LZTFL1: variants seen among roughly 807,000 people sequenced by gnomAD.
The protein encoded by LZTFL1 is leucine zipper transcription factor like 1, also known as leucine zipper transcription factor-like protein 1.
A neutral mutation model predicts 45.9 loss-of-function variants in LZTFL1; 25 were observed. The observed-to-expected ratio is 0.54, with a 90% CI of 0.40 to 0.76. The LOEUF (loss-of-function observed/expected upper bound fraction) is 0.76. Among genes scored for constraint, LZTFL1 ranks in the 30% least tolerant of loss-of-function variants. The pLI is 0.00. For missense variants in LZTFL1, 277 were observed against 331.1 expected (o/e 0.84, Z 1.27); for synonymous variants, 93 against 117.4 (o/e 0.79, Z 1.35).
chr3:45,869,395 TCATGCTTGCTTAAAGC>T (rs1701633649), intron 2 of LZTFL1, among the ~76,000 whole-genome samples: 1 of 152,216 alleles, frequency 6.6e-6, no homozygotes, highest in South Asian at 2.1e-4. Flanking sequence ...TGCCTTCCAG[TCATGCTTGCTTAAAGC>T]CATGCTTGCT....
intron 2 of LZTFL1, among the ~76,000 whole-genome samples, chr3:45,906,081 C>T (rs1435191392): frequency 6.6e-6 from 1 of 152,194 alleles, no homozygotes; most frequent in African/African-American, 2.4e-5. Context: ...GAGAAGTCGT[C>T]CTGCAACAAT....
intron 2 of LZTFL1, among the ~76,000 whole-genome samples, chr3:45,862,086 T>C (rs1701500759): frequency 2.0e-5 from 3 of 152,222 alleles, no homozygotes; most frequent in Admixed American, 6.5e-5. Context: ...CAAATGTGTA[T>C]TGAGCACCTG....
At chr3:45,853,211 T>C (rs534836368) in intron 4 of LZTFL1, among the ~76,000 whole-genome samples, 2 of 152,304 alleles carry the variant, frequency 1.3e-5, no homozygotes, top group South Asian at 4.1e-4. Flanking sequence ...TTTCTTTGAT[T>C]TGAATTAGAT....
At chr3:45,909,229 A>G (rs865820414) in intron 2 of LZTFL1, among the ~76,000 whole-genome samples, 2 of 152,210 alleles carry the variant, frequency 1.3e-5, no homozygotes, top group Non-Finnish European at 2.9e-5. Flanking sequence ...TAATTAAATA[A>G]AGTGCACAAT....
rs939558330 is a variant in LZTFL1 at position 45,835,646 on chromosome 3, T to C, written c.267A>G (p.Ala89=). Residue 89 remains alanine (A), a synonymous_variant, in exon 3 of 10, where the codon GCA becomes GCG. Coordinates refer to ENST00000296135, the MANE Select transcript of LZTFL1 (RefSeq NM_020347.4). ...TNVLLLRQLF[A]QAEKWYLKLQ... is the part of the protein sequence containing the mutation. ...GCTTAAGATACCACTTCTCAGCTTG[T>C]GCAAACAGCTGTCGCAGAAGTAACA... 5 of 1,614,178 alleles carry C rather than the reference T, an allele frequency of 3.1e-6. No homozygotes were observed. The highest frequency in any genetic ancestry group is 4.2e-6 in the Non-Finnish European group (5 of 1,180,024).
chr3:45,905,120 C>A (rs567137744), intron 2 of LZTFL1, among the ~76,000 whole-genome samples: 1 of 152,326 alleles, frequency 6.6e-6, no homozygotes, highest in South Asian at 2.1e-4. Context: ...CAAAAAAAAT[C>A]TTTCTCTCCA....
intron 1 of LZTFL1, among the ~76,000 whole-genome samples, chr3:45,838,701 C>T (rs1259333905): frequency 2.0e-5 from 3 of 152,226 alleles, no homozygotes; most frequent in Non-Finnish European, 4.4e-5. Flanking sequence ...GTAGGGCTAG[C>T]ACCCAAATAA....
chr3:45,873,460 T>C (rs778821901), intron 2 of LZTFL1, among the ~76,000 whole-genome samples: 5 of 152,226 alleles, frequency 3.3e-5, no homozygotes, highest in Non-Finnish European at 5.9e-5. Context: ...TACAGTTATA[T>C]TTAGTATTTT....
chr3:45,891,310 T>G (rs1216423189), intron 2 of LZTFL1, among the ~76,000 whole-genome samples: 1 of 152,248 alleles, frequency 6.6e-6, no homozygotes, highest in Non-Finnish European at 1.5e-5. Context: ...AAAAATTTAT[T>G]GTGAGTCTTA....
intron 2 of LZTFL1, chr3:45,902,726 C>G (rs1420662743): frequency 1.2e-5 from 2 of 167,120 alleles, no homozygotes; most frequent in African/African-American, 4.8e-5. Context: ...TAGGCTTGTT[C>G]TGTTGAGTGG....
intron 2 of LZTFL1, among the ~76,000 whole-genome samples, chr3:45,908,875 C>T (rs1437857298): frequency 1.3e-5 from 2 of 152,156 alleles, no homozygotes; most frequent in Admixed American, 6.5e-5. Context: ...TGCTCTGTGG[C>T]CTGTTAGGAA....
intron 2 of LZTFL1, among the ~76,000 whole-genome samples, chr3:45,887,110 T>C (rs931132223): frequency 2.6e-5 from 4 of 152,166 alleles, no homozygotes; most frequent in African/African-American, 9.7e-5. Context: ...GACAATGGAA[T>C]ACACAGCAGC....
chr3:45,907,214 C>G (rs911616574), intron 2 of LZTFL1, among the ~76,000 whole-genome samples: 44 of 152,338 alleles, frequency 2.9e-4, no homozygotes, highest in African/African-American at 1.0e-3. Flanking sequence ...ACCCCAGGCT[C>G]AGATCTGAGG....
chr3:45,876,305 T>C (rs558399799), intron 2 of LZTFL1, among the ~76,000 whole-genome samples: 1 of 152,338 alleles, frequency 6.6e-6, no homozygotes, highest in African/African-American at 2.4e-5. Flanking sequence ...ATTTGAATGA[T>C]GTTCCTGCAT....
At chr3:45,846,541 C>T (rs1034089805), upstream of LZTFL1, among the ~76,000 whole-genome samples, 1 of 152,064 alleles carries the variant, frequency 6.6e-6, no homozygotes, top group East Asian at 1.9e-4. Context: ...TGACTGGAAG[C>T]CTTACCAATA....
intron 4 of LZTFL1, chr3:45,854,935 A>C: frequency 7.5e-7 from 1 of 1,333,242 alleles, no homozygotes; most frequent in East Asian, 2.5e-5. Context: ...AAACAGGAAC[A>C]ACCACCACCA....
In LZTFL1 at chr3:45,900,746, T is replaced by C; in HGVS notation, c.-215+12374A>G. On this transcript the variant is annotated intron_variant, in intron 2 of 4. Coordinates refer to the LZTFL1 transcript ENST00000472635. This position sits in a 1 kb window ranked among gnomAD's most constrained non-coding sequence, Gnocchi z 4.7. The stretch of plus-strand genomic sequence containing the variant: ...GGAAGGGTCAAGAGGTCCATGCCTC[T>C]GCCATCAGACAGGACCTTCAAAATA... 2 of 1,534,538 alleles carry C rather than the reference T, an allele frequency of 1.3e-6. No homozygotes were observed. Among genetic ancestry groups the C allele is most frequent in the Non-Finnish European group, 1.8e-6 (2 of 1,137,546 alleles).
chr3:45,901,899 G>A lies in LZTFL1; in HGVS notation c.-215+11221C>T, dbSNP rs1702573245. ...AACCTCAGGAGCACTCTCCCTCTGA[G>A]GGGTCTTCTCTGAGGTGCATGGTTC... On this transcript the variant is annotated intron_variant, in intron 2 of 4. Coordinates refer to the LZTFL1 transcript ENST00000472635. This position sits in a 1 kb window ranked among gnomAD's most constrained non-coding sequence, Gnocchi z 4.3. 4.4e-6 allele frequency: 7 copies of A among 1,584,338 alleles called. No individual in the cohort carries two copies. Among genetic ancestry groups the A allele is most frequent in the Non-Finnish European group, 5.2e-6 (6 of 1,162,822 alleles).
intron 2 of LZTFL1, among the ~76,000 whole-genome samples, chr3:45,908,843 C>T (rs745544136): frequency 1.3e-5 from 2 of 152,196 alleles, no homozygotes. Flanking sequence ...GGGTCCCCAA[C>T]CCCTGGGCCA....
Sources: gnomAD v4.1 joint callset for allele counts (sites outside exome capture counted in the v4.1 genomes callset) on GRCh38, gnomAD v4.1.1 for gene constraint, Gnocchi (gnomAD v3.1) non-coding constraint, MANE v1.5 for transcripts, NCBI Gene and HGNC (gene_info 2026-07-23, HGNC 2026-07-21) for gene names.